CHN2: variants seen among roughly 807,000 people sequenced by gnomAD.
The protein encoded by CHN2 is chimerin 2.
Under a neutral mutation model 56.3 loss-of-function variants are expected in CHN2, and 35 were observed. The ratio of observed to expected loss-of-function variants is 0.62; its 90% CI spans 0.47 to 0.82. CHN2 has a LOEUF of 0.82. Among genes scored for constraint, CHN2 ranks in the 40% least tolerant of loss-of-function variants. The pLI is 0.00. For synonymous variants in CHN2, 210 were observed against 212.8 expected (o/e 0.99, Z 0.12); for missense variants, 491 against 580.5 (o/e 0.85, Z 1.58).
chr7:29,157,880 C>T (rs1263447145), intron 2 of CHN2, among the ~76,000 whole-genome samples: 1 of 152,092 alleles, frequency 6.6e-6, no homozygotes, highest in Non-Finnish European at 1.5e-5. Flanking sequence ...ATGTCATGTG[C>T]TAATGTAAAA....
intron 1 of CHN2, among the ~76,000 whole-genome samples, chr7:29,300,493 T>G (rs959833544): frequency 3.9e-5 from 6 of 152,188 alleles, no homozygotes; most frequent in African/African-American, 1.4e-4. Flanking sequence ...AACATTGCCC[T>G]TTTATATTTC....
rs536593569 is a variant in CHN2 at position 29,338,401 on chromosome 7, T to C, written c.50-16224T>C. On this transcript the variant is annotated intron_variant, in intron 1 of 12. Transcript: ENST00000222792. ...AGTGTCTAGTATGAGAGACAGAATT[T>C]TGTAATGAAGAAAAGTATGCTTTTC... Among the ~76,000 whole-genome samples, 6 of 152,292 alleles carry C rather than the reference T, an allele frequency of 3.9e-5. No individual in the cohort carries two copies. In the East Asian group the frequency reaches 7.7e-4, roughly 20 times the overall value.
chr7:29,389,856 C>A (rs1801218078), intron 3 of CHN2, among the ~76,000 whole-genome samples: 1 of 151,712 alleles, frequency 6.6e-6, no homozygotes, highest in Admixed American at 6.6e-5. Context: ...GAGTTCGAGA[C>A]CAGCCTGGGC....
chr7:29,463,217 G>A (rs962243680), intron 6 of CHN2, among the ~76,000 whole-genome samples: 4 of 152,118 alleles, frequency 2.6e-5, no homozygotes, highest in Non-Finnish European at 5.9e-5. Context: ...ATTGTGGCAA[G>A]AAGATGCTTC....
chr7:29,468,939 A>G (rs1489814511), intron 6 of CHN2, among the ~76,000 whole-genome samples: 1 of 152,088 alleles, frequency 6.6e-6, no homozygotes. Flanking sequence ...CCATCTACCC[A>G]TAAGTAGATT....
chr7:29,317,277 CTATTT>C, intron 1 of CHN2, among the ~76,000 whole-genome samples: 1 of 152,284 alleles, frequency 6.6e-6, no homozygotes, highest in East Asian at 1.9e-4. Flanking sequence ...ATGCCATAAA[CTATTT>C]TATTAATTTC....
intron 2 of CHN2, among the ~76,000 whole-genome samples, chr7:29,177,983 G>C (rs1199919800): frequency 2.0e-5 from 3 of 152,022 alleles, no homozygotes; most frequent in Non-Finnish European, 4.4e-5. Context: ...CACAGCAAGT[G>C]GCACCACCAG....
intron 1 of CHN2, among the ~76,000 whole-genome samples, chr7:29,320,330 A>G (rs1795241760): frequency 6.6e-6 from 1 of 152,104 alleles, no homozygotes; most frequent in South Asian, 2.1e-4. Flanking sequence ...TCAAGGGAAG[A>G]TATCCATTTG....
chr7:29,437,117 G>A (rs1783285662), intron 6 of CHN2, among the ~76,000 whole-genome samples: 1 of 151,966 alleles, frequency 6.6e-6, no homozygotes, highest in African/African-American at 2.4e-5. Flanking sequence ...TATATTTGTT[G>A]TATCTTTAAA....
In CHN2 at chr7:29,289,806, G is replaced by A. The variant is rs144706646; in HGVS notation, c.50-64819G>A. 6.1e-4 allele frequency among the ~76,000 whole-genome samples: 93 copies of A among 152,268 alleles called. 1 individual carries two copies. In the East Asian group the frequency reaches 0.015, roughly 24 times the overall value. ...TGGCTACTTACATATGCATTTACCC[G>A]GAGGTTTGACTTTAAATGTTACCAA... On this transcript the variant is annotated intron_variant, in intron 1 of 12. Transcript: ENST00000222792.
chr7:29,445,288 C>T (rs888985324), intron 6 of CHN2: 2 of 339,606 alleles, frequency 5.9e-6, no homozygotes, highest in Admixed American at 7.6e-5. Context: ...CCAAACAGGC[C>T]TATCTCATCC....
rs577291820 is a variant in CHN2 at position 29,489,762 on chromosome 7, C to A, written c.655-6190C>A. ...ACGTCTATGCATTTATTTGGCTGGACAGAACAGATCAAAGGCAGTAGGGAT... is the reference window on the plus strand; with the variant it reads ...ACGTCTATGCATTTATTTGGCTGGAAAGAACAGATCAAAGGCAGTAGGGAT... On this transcript the variant is annotated intron_variant, in intron 7 of 12. Transcript: ENST00000222792. 1.1e-4 allele frequency among the ~76,000 whole-genome samples: 16 copies of A among 152,196 alleles called. No individual in the cohort carries two copies. In the South Asian group the frequency reaches 3.3e-3, roughly 32 times the overall value.
intron 8 of CHN2, among the ~76,000 whole-genome samples, chr7:29,499,289 A>G (rs932321189): frequency 1.3e-5 from 2 of 152,204 alleles, no homozygotes; most frequent in Admixed American, 6.5e-5. Context: ...AAAATAAGGC[A>G]TGTAGAAAGG....
chr7:29,477,356 T>C (rs181128618), intron 6 of CHN2, among the ~76,000 whole-genome samples: 3 of 152,210 alleles, frequency 2.0e-5, no homozygotes, highest in Non-Finnish European at 4.4e-5. Flanking sequence ...TTGTTATACA[T>C]ACAAGCACAG....
intron 1 of CHN2, among the ~76,000 whole-genome samples, chr7:29,206,884 C>G (rs1784558384): frequency 2.0e-5 from 3 of 152,182 alleles, no homozygotes. Context: ...ATATGGAACA[C>G]TCAAGATAGG....
In CHN2 at chr7:29,374,801, TTTCCTTCCTTCCTTCCTTCC is replaced by T. The variant is rs57274609; in HGVS notation, c.144+6844_144+6863del. On this transcript the variant is annotated intron_variant, in intron 3 of 12. Transcript: ENST00000222792. ...TCTCTGGGTGATTTTTATTTCTTTATTTCCTTCCTTCCTTCCTTCCTTCCTTCCTTCCTTCCTTCCTTCCT... is the reference window on the plus strand; with the variant it reads ...TCTCTGGGTGATTTTTATTTCTTTATTTCCTTCCTTCCTTCCTTCCTTCCT... 6.5e-3 allele frequency among the ~76,000 whole-genome samples: 836 copies of T among 128,262 alleles called. 5 individuals are homozygous for T. Among genetic ancestry groups the T allele is most frequent in the African/African-American group, 0.023 (795 of 34,982 alleles). The allele number at this position is 128,262 out of a possible 152,430, so 84.1% of individuals were successfully genotyped here. A position where few individuals can be genotyped will look rare whatever the true frequency, so the allele number is the denominator to read the frequency against.
At chr7:29,171,128 A>T (rs1163069620) in intron 2 of CHN2, among the ~76,000 whole-genome samples, 1 of 152,142 alleles carries the variant, frequency 6.6e-6, no homozygotes, top group Non-Finnish European at 1.5e-5. Context: ...GACATAATGA[A>T]CTGCCGGTTT....
chr7:29,163,670 C>T (rs1795505869), intron 2 of CHN2, among the ~76,000 whole-genome samples: 1 of 152,166 alleles, frequency 6.6e-6, no homozygotes, highest in South Asian at 2.1e-4. Context: ...AACAAACATT[C>T]TCATTGCCCC....
At chr7:29,322,529 A>AT (rs1235898101) in intron 1 of CHN2, among the ~76,000 whole-genome samples, 2 of 152,218 alleles carry the variant, frequency 1.3e-5, no homozygotes, top group African/African-American at 4.8e-5. Flanking sequence ...TATTGTGAAG[A>AT]TAAAAAGCAA....
Sources: gnomAD v4.1 joint callset for allele counts (sites outside exome capture counted in the v4.1 genomes callset) on GRCh38, gnomAD v4.1.1 for gene constraint, MANE v1.5 for transcripts, NCBI Gene and HGNC (gene_info 2026-07-23, HGNC 2026-07-21) for gene names.